The following ARHGAP21 variants were observed in gnomAD, a reference collection of about 807,000 sequenced individuals.
ARHGAP21 encodes rho GTPase-activating protein 21.
In ARHGAP21, 38 loss-of-function variants were observed where a neutral mutation model predicts 164.6. The observed-to-expected ratio is 0.23, with a 90% CI of 0.18 to 0.30. ARHGAP21 has a LOEUF of 0.30. Among genes scored for constraint, ARHGAP21 ranks in the 10% least tolerant of loss-of-function variants. The pLI, the probability that ARHGAP21 is intolerant of heterozygous loss-of-function variation, is 1.00. For missense variants in ARHGAP21, 1,822 were observed against 2,370.7 expected, an observed-to-expected ratio of 0.77 and a Z score of 4.81; for synonymous variants, 766 against 857.9, an observed-to-expected ratio of 0.89 and a Z score of 1.87.
chr10:24,672,626 T>C (rs1478101484), intron 2 of ARHGAP21, among the ~76,000 whole-genome samples: 2 of 152,232 alleles, frequency 1.3e-5, no homozygotes, highest in Non-Finnish European at 1.5e-5. Flanking sequence ...TCCAAGTTAA[T>C]CCCAGCATTT....
intron 11 of ARHGAP21, 84 bp downstream of exon 11, chr10:24,607,415 C>A (rs2077073549): frequency 1.8e-6 from 2 of 1,101,424 alleles, no homozygotes; most frequent in Admixed American, 2.2e-5. Context: ...CATAAGACAT[C>A]ATTAAATTCT....
intron 4 of ARHGAP21, among the ~76,000 whole-genome samples, chr10:24,636,504 G>C (rs964799359): frequency 1.3e-5 from 2 of 152,222 alleles, no homozygotes; most frequent in African/African-American, 4.8e-5. Flanking sequence ...GCATATACAT[G>C]TGTTGAGTAA....
chr10:24,628,448 C>T (rs1835355234), intron 7 of ARHGAP21, among the ~76,000 whole-genome samples: 1 of 151,592 alleles, frequency 6.6e-6, no homozygotes, highest in Non-Finnish European at 1.5e-5. Flanking sequence ...AACATGTTTA[C>T]AGATTATTTA....
Position 24,585,148 on chromosome 10 carries a change from T to C in ARHGAP21, c.5141A>G (p.Asp1714Gly). The change falls in exon 26 of 26, where the codon GAT becomes GGT. Residue 1714 changes from aspartate to glycine, a missense_variant. Around this residue, in one of 5 missense-constraint regions of ARHGAP21, gnomAD observed 117 missense variants for 193.2 expected, o/e 0.61. Transcript: ENST00000396432. ...CTTGGCATCTCCTAGACTTCCACTA[T>C]CTGACTTGAATCTAGCTGATTTTTT... ...SRKKSARFKS[D>G]SGSLGDAKNE... 5.6e-6 allele frequency: 9 copies of C among 1,612,460 alleles called. No individual in the cohort carries two copies. Among genetic ancestry groups the C allele is most frequent in the Non-Finnish European group, 7.6e-6 (9 of 1,179,690 alleles).
Position 24,586,118 on chromosome 10 carries a change from G to T in ARHGAP21, c.4183-12C>A. On this transcript the variant is annotated splice_polypyrimidine_tract_variant and intron_variant, in intron 25 of 25. Coordinates refer to ENST00000396432, the MANE Select transcript of ARHGAP21 (RefSeq NM_020824.4). The stretch of plus-strand genomic sequence containing the variant: ...GATCCCCAAGAACCCTGGGAAGCAA[G>T]AGAGAAGAAAGACTCTGAGCATAAG... 1.3e-6 allele frequency: 2 copies of T among 1,558,928 alleles called. No individual in the cohort carries two copies. Among genetic ancestry groups the T allele is most frequent in the South Asian group, 2.5e-5 (2 of 80,914 alleles).
intron 9 of ARHGAP21, among the ~76,000 whole-genome samples, chr10:24,615,152 T>C (rs746012606): frequency 6.6e-6 from 1 of 152,176 alleles, no homozygotes; most frequent in Non-Finnish European, 1.5e-5. Flanking sequence ...ATCGTGTCAT[T>C]GCACTCCAGT....
chr10:24,695,896 G>A (rs926553647), intron 2 of ARHGAP21, among the ~76,000 whole-genome samples: 3 of 152,188 alleles, frequency 2.0e-5, no homozygotes, highest in Non-Finnish European at 2.9e-5. Flanking sequence ...CTGCGGTTCT[G>A]GCTGATGCCA....
At chr10:24,610,092 T>C (rs1483317839) in intron 9 of ARHGAP21, among the ~76,000 whole-genome samples, 3 of 152,064 alleles carry the variant, frequency 2.0e-5, no homozygotes, top group African/African-American at 7.2e-5. Flanking sequence ...AGAAACGAGG[T>C]CTTGGACAGG....
chr10:24,691,714 T>C (rs1489683298), intron 2 of ARHGAP21, among the ~76,000 whole-genome samples: 1 of 152,192 alleles, frequency 6.6e-6, no homozygotes. Flanking sequence ...TGGATTATTT[T>C]AATAGGCAAT....
intron 7 of ARHGAP21, chr10:24,628,892 T>C (rs572670710): frequency 1.1e-4 from 11 of 101,508 alleles, no homozygotes; most frequent in Admixed American, 4.5e-4. Flanking sequence ...CACATATATA[T>C]ACATACATAT....
At position 24,717,561 on chromosome 10, in the gene ARHGAP21, A is replaced by G. The variant is rs565716679; in HGVS notation, c.63+4276T>C. 3.3e-5 allele frequency among the ~76,000 whole-genome samples: 5 copies of G among 152,286 alleles called. No homozygotes were observed. In the East Asian group the frequency reaches 9.7e-4, roughly 29 times the overall value. On this transcript the variant is annotated intron_variant, in intron 2 of 25. Transcript: ENST00000396432. ...TATGATGAGTAAAAATCAGCCATGGAGCAGAGGGAGGAGGAACAGGGGACA... is the reference window on the plus strand; with the variant it reads ...TATGATGAGTAAAAATCAGCCATGGGGCAGAGGGAGGAGGAACAGGGGACA...
rs1168228682 is a variant in ARHGAP21 at position 24,583,864 on chromosome 10, C to T, written c.*548G>A. The T allele has an allele frequency of 6.6e-6, 1 of 152,538 alleles. No homozygotes were observed. The highest frequency in any genetic ancestry group is 1.5e-5 in the Non-Finnish European group (1 of 68,024). 9.4% of individuals were successfully genotyped at this position (152,538 alleles called of 1,614,324 possible). A position where few individuals can be genotyped will look rare whatever the true frequency, so the allele number is the denominator to read the frequency against. The stretch of plus-strand genomic sequence containing the variant: ...AGAAAGATTAAAAATTCAAGTCACA[C>T]AAAACTCAAAAACTGTATTAAAAGT... On this transcript the variant is annotated 3_prime_UTR_variant, in exon 26 of 26. Transcript: ENST00000396432.
At chr10:24,711,562 T>G (rs1166396413) in intron 2 of ARHGAP21, among the ~76,000 whole-genome samples, 2 of 152,156 alleles carry the variant, frequency 1.3e-5, no homozygotes, top group Non-Finnish European at 2.9e-5. Context: ...AGAATCAACA[T>G]GGAAATCTCC....
At chr10:24,669,779 T>C (rs80225941) in intron 3 of ARHGAP21, among the ~76,000 whole-genome samples, 1,990 of 152,324 alleles carry the variant, frequency 0.013, 48 homozygotes, top group African/African-American at 0.046. Context: ...GCTGTGTTTT[T>C]CAATTCTAAC....
intron 11 of ARHGAP21, 36 bp downstream of exon 11, chr10:24,607,463 C>A (rs574211302): frequency 6.4e-7 from 1 of 1,569,500 alleles, no homozygotes; most frequent in South Asian, 1.1e-5. Flanking sequence ...CACCCACCCA[C>A]ATACAAATAT....
At chr10:24,647,527 C>T (rs1246132023) in intron 4 of ARHGAP21, among the ~76,000 whole-genome samples, 1 of 152,192 alleles carries the variant, frequency 6.6e-6, no homozygotes, top group African/African-American at 2.4e-5. Context: ...TCTTCTTCAA[C>T]AGCAGAGGTT....
chr10:24,721,641 G>GA (rs899347316), intron 2 of ARHGAP21, among the ~76,000 whole-genome samples, 196 bp downstream of exon 2: 3 of 152,220 alleles, frequency 2.0e-5, no homozygotes, highest in Non-Finnish European at 4.4e-5. Flanking sequence ...TCTTGCAAAA[G>GA]AAACACGGGA....
chr10:24,622,685 C>A (rs761528475), intron 8 of ARHGAP21, 48 bp downstream of exon 8: 17 of 1,576,812 alleles, frequency 1.1e-5, no homozygotes, highest in Middle Eastern at 3.4e-4. Flanking sequence ...CAAATCTCTA[C>A]AAAACATGAC....
intron 4 of ARHGAP21, among the ~76,000 whole-genome samples, chr10:24,643,850 T>C (rs1189182562): frequency 3.3e-5 from 5 of 152,176 alleles, no homozygotes; most frequent in African/African-American, 1.2e-4. Context: ...CCCCTCAAGG[T>C]TGCTGTTTCA....
Sources: gnomAD v4.1 joint callset for allele counts (sites outside exome capture counted in the v4.1 genomes callset) on GRCh38, gnomAD v4.1.1 for gene constraint, gnomAD v4.1.1 regional missense constraint, MANE v1.5 for transcripts, NCBI Gene and HGNC (gene_info 2026-07-23, HGNC 2026-07-21) for gene names.